Variants in CHSY3 observed in about 807,000 individuals in gnomAD.
CHSY3 encodes N-acetylgalactosaminyl-proteoglycan 3-beta-glucuronosyltransferase 3.
In CHSY3, 35 loss-of-function variants were observed where a neutral mutation model predicts 67.2. That is an observed-to-expected ratio of 0.52 (90% CI 0.40 to 0.69). CHSY3 has a LOEUF of 0.69. CHSY3 is among the 30% of genes least tolerant of loss of function. The pLI, the probability that CHSY3 is intolerant of heterozygous loss-of-function variation, is 0.00. For synonymous variants in CHSY3, 474 were observed against 434.7 expected, an observed-to-expected ratio of 1.09 and a Z score of -1.12; for missense variants, 1,069 against 1,138.5, an observed-to-expected ratio of 0.94 and a Z score of 0.88.
intron 2 of CHSY3, among the ~76,000 whole-genome samples, chr5:129,917,872 G>A (rs1288963589): frequency 3.3e-5 from 5 of 152,120 alleles, no homozygotes; most frequent in Admixed American, 3.3e-4. Context: ...CCTGCAGCAT[G>A]GATAGTGTTT....
At chr5:129,907,841 G>A (rs558921442) in intron 1 of CHSY3, among the ~76,000 whole-genome samples, 1 of 152,276 alleles carries the variant, frequency 6.6e-6, no homozygotes, top group South Asian at 2.1e-4. Context: ...TGTCAGAGCT[G>A]TTAAGGTTTT....
intron 2 of CHSY3, among the ~76,000 whole-genome samples, chr5:130,011,236 C>A (rs1764049888): frequency 6.6e-6 from 1 of 152,134 alleles, no homozygotes; most frequent in Admixed American, 6.5e-5. Context: ...CAAATACAAG[C>A]TAACCAAATC....
intron 2 of CHSY3, among the ~76,000 whole-genome samples, chr5:130,132,726 T>C (rs1381743543): frequency 6.6e-6 from 1 of 152,194 alleles, no homozygotes; most frequent in African/African-American, 2.4e-5. Context: ...TAGAGATATT[T>C]AGCAATGTCT....
At chr5:130,086,206 G>T (rs908684310) in intron 2 of CHSY3, among the ~76,000 whole-genome samples, 1 of 152,028 alleles carries the variant, frequency 6.6e-6, no homozygotes, top group Non-Finnish European at 1.5e-5. Flanking sequence ...TGTTGACAGT[G>T]GGGTGTTAAA....
chr5:129,907,236 C>T (rs528308432), intron 1 of CHSY3, among the ~76,000 whole-genome samples: 140 of 152,268 alleles, frequency 9.2e-4, no homozygotes, highest in Middle Eastern at 3.4e-3. Flanking sequence ...CATATTATTT[C>T]AATTTCTATT....
chr5:130,113,605 C>T (rs1316915325), intron 2 of CHSY3, among the ~76,000 whole-genome samples: 2 of 152,054 alleles, frequency 1.3e-5, no homozygotes, highest in African/African-American at 4.8e-5. Context: ...TGCTGAGTTC[C>T]ACTCCTATTG....
intron 2 of CHSY3, among the ~76,000 whole-genome samples, chr5:129,910,467 T>A (rs1349161952): frequency 2.0e-5 from 3 of 152,028 alleles, no homozygotes; most frequent in Non-Finnish European, 4.4e-5. Context: ...AGGAGCTATT[T>A]AAACAGTATT....
intron 2 of CHSY3, among the ~76,000 whole-genome samples, chr5:130,136,588 A>C (rs1055330008): frequency 2.0e-5 from 3 of 152,144 alleles, no homozygotes; most frequent in Admixed American, 2.0e-4. Flanking sequence ...ATGGAAAGAA[A>C]ATAATAGTTT....
intron 2 of CHSY3, among the ~76,000 whole-genome samples, chr5:130,115,479 C>A (rs1287159748): frequency 6.6e-6 from 1 of 152,130 alleles, no homozygotes; most frequent in Non-Finnish European, 1.5e-5. Context: ...CTAGAACTCC[C>A]ATTTTTTCCT....
At chr5:130,095,530 A>C (rs1767016219) in intron 2 of CHSY3, among the ~76,000 whole-genome samples, 1 of 152,276 alleles carries the variant, frequency 6.6e-6, no homozygotes. Flanking sequence ...CCCCATGCCA[A>C]TATAAAAAAT....
chr5:130,043,379 C>G (rs76161977), intron 2 of CHSY3, among the ~76,000 whole-genome samples: 3,048 of 151,926 alleles, frequency 0.02, 113 homozygotes, highest in African/African-American at 0.069. Flanking sequence ...AGATATTTCC[C>G]TGAGAATAGA....
rs113630718 is a variant in CHSY3 at position 130,128,017 on chromosome 5, A to C, written c.1087-56212A>C. On this transcript the variant is annotated intron_variant, in intron 2 of 2. Transcript: ENST00000305031. ...CAAAGTTTGAAGGAATTATATCCCA[A>C]CTTTATATTTATGGATATTTTAATA... 5.9e-5 allele frequency among the ~76,000 whole-genome samples: 9 copies of C among 152,260 alleles called. 1 individual carries two copies. The highest frequency in any genetic ancestry group is 2.2e-4 in the African/African-American group (9 of 41,570).
At chr5:130,178,253 A>ATTTTTTTTTTTTTTT (rs10699248) in intron 2 of CHSY3, among the ~76,000 whole-genome samples, 2 of 45,912 alleles carry the variant, frequency 4.4e-5, no homozygotes, top group East Asian at 1.9e-3. Flanking sequence ...ATATATATAT[A>ATTTTTTTTTTTTTTT]TTTTTTTTTT....
chr5:129,985,240 A>G (rs57436258), intron 2 of CHSY3, among the ~76,000 whole-genome samples: 4 of 152,174 alleles, frequency 2.6e-5, no homozygotes, highest in Non-Finnish European at 4.4e-5. Context: ...TCTTCTGCAT[A>G]TGGCTAGCCA....
chr5:130,020,422 A>AAAAAAAAAAAAAAAATAT (rs1764335450), intron 2 of CHSY3, among the ~76,000 whole-genome samples: 1 of 33,356 alleles, frequency 3.0e-5, no homozygotes, highest in African/African-American at 9.1e-5. Flanking sequence ...TTCATCTCAA[A>AAAAAAAAAAAAAAAATAT]ATATATATAT....
At chr5:129,925,438 T>C (rs180698499) in intron 2 of CHSY3, among the ~76,000 whole-genome samples, 15 of 152,302 alleles carry the variant, frequency 9.8e-5, no homozygotes, top group Admixed American at 6.5e-4. Flanking sequence ...TTTAAAATTT[T>C]ATTTTTCAGT....
intron 2 of CHSY3, among the ~76,000 whole-genome samples, chr5:130,118,097 C>CA (rs1165776983): frequency 6.6e-6 from 1 of 152,148 alleles, no homozygotes; most frequent in Admixed American, 6.5e-5. Context: ...TCACTTTCCG[C>CA]AAGCACTGGT....
At chr5:130,065,016 A>G (rs1172762078) in intron 2 of CHSY3, among the ~76,000 whole-genome samples, 2 of 152,100 alleles carry the variant, frequency 1.3e-5, no homozygotes, top group Admixed American at 6.6e-5. Context: ...ACCCTGTGTC[A>G]TTGATTTCCT....
At chr5:130,056,918 C>CTT (rs58326964) in intron 2 of CHSY3, among the ~76,000 whole-genome samples, 35 of 56,078 alleles carry the variant, frequency 6.2e-4, no homozygotes, top group African/African-American at 7.5e-4. Context: ...GCATTTCTTT[C>CTT]TTTTTTTTTT....
Sources: gnomAD v4.1 joint callset for allele counts (sites outside exome capture counted in the v4.1 genomes callset) on GRCh38, gnomAD v4.1.1 for gene constraint, MANE v1.5 for transcripts, NCBI Gene and HGNC (gene_info 2026-07-23, HGNC 2026-07-21) for gene names.